Variants in NRXN3 observed in about 807,000 individuals in gnomAD.
The protein encoded by NRXN3 is neurexin 3, also known as neurexin III.
In NRXN3, 32 loss-of-function variants were observed where a neutral mutation model predicts 137.6. The observed-to-expected ratio is 0.23, with a 90% CI of 0.18 to 0.31. The LOEUF is 0.31. Ranked by LOEUF, NRXN3 falls within the 10% of genes least tolerant of loss-of-function variation. The probability of loss-of-function intolerance (pLI) is 1.00; values close to 1 mark genes in which losing one functional copy is unlikely to be tolerated. For synonymous variants in NRXN3, 798 were observed against 784.5 expected (o/e 1.02, Z -0.29); for missense variants, 1,574 against 2,062.5 (o/e 0.76, Z 4.59).
At chr14:79,851,058 A>C (rs1458569370) in intron 20 of NRXN3, among the ~76,000 whole-genome samples, 1 of 152,192 alleles carries the variant, frequency 6.6e-6, no homozygotes, top group Non-Finnish European at 1.5e-5. Context: ...GCAATTTTGG[A>C]ATAGGTAAAT....
At chr14:79,512,724 T>C (rs1257623006) in intron 16 of NRXN3, among the ~76,000 whole-genome samples, 1 of 152,210 alleles carries the variant, frequency 6.6e-6, no homozygotes, top group Non-Finnish European at 1.5e-5. Flanking sequence ...GTATAATTAA[T>C]ATGTTTATAT....
In NRXN3 at chr14:79,467,288, G is replaced by A. The variant is rs1357313825; in HGVS notation, c.3330G>A (p.Arg1110=). 1 of 1,613,390 alleles carries A rather than the reference G, an allele frequency of 6.2e-7. No homozygotes were observed. Among genetic ancestry groups the A allele is most frequent in the African/African-American group, 1.3e-5 (1 of 75,052 alleles). ...TCTACACCTGGCCAGCCAATGACAGGCCCAGCACGCGGTCTGACCGCCTTG... is the reference window on the plus strand; with the variant it reads ...TCTACACCTGGCCAGCCAATGACAGACCCAGCACGCGGTCTGACCGCCTTG... ...LILYTWPAND[R]PSTRSDRLAV... Residue 1110 remains arginine, a synonymous_variant, in exon 16 of 21, where the codon AGG becomes AGA. Transcript: ENST00000335750.
chr14:79,646,230 C>G lies in NRXN3; in HGVS notation c.3445-17548C>G, dbSNP rs891832420. Among the ~76,000 whole-genome samples the G allele has an allele frequency of 3.0e-5, 4 of 134,736 alleles. 1 individual carries two copies. The highest frequency in any genetic ancestry group is 9.8e-5 in the African/African-American group (4 of 40,700). The allele number at this position is 134,736 out of a possible 152,430, so 88.4% of individuals were successfully genotyped here. ...ATAAATATGGTGATCATATGTATCC[C>G]TTGGGATTTGGGGTTGACAGCATAG... On this transcript the variant is annotated intron_variant, in intron 16 of 20. Coordinates refer to ENST00000335750, the MANE Select transcript of NRXN3 (RefSeq NM_001330195.2).
At chr14:79,766,431 A>G (rs1371771961) in intron 19 of NRXN3, among the ~76,000 whole-genome samples, 1 of 152,206 alleles carries the variant, frequency 6.6e-6, no homozygotes, top group Non-Finnish European at 1.5e-5. Flanking sequence ...TTTTTCAAAA[A>G]GCTTGTTCCT....
rs1432408575 is a variant in NRXN3, at chr14:79,397,750, G to GT, written c.3263-69470dup. ...AAAGAGTGTTGGAAGAAAATACAAG[G>GT]TAAGTTTTACAACCTGTGAGTACTC... On this transcript the variant is annotated intron_variant, in intron 15 of 20. Transcript: ENST00000335750. Among the ~76,000 whole-genome samples the GT allele has an allele frequency of 2.6e-5, 4 of 151,902 alleles. No individual in the cohort carries two copies. In the East Asian group the frequency reaches 7.7e-4, roughly 29 times the overall value.
At chr14:78,176,386 T>TG (rs1389889542) in intron 1 of NRXN3, among the ~76,000 whole-genome samples, 4 of 152,014 alleles carry the variant, frequency 2.6e-5, no homozygotes, top group African/African-American at 9.7e-5. Context: ...AAGTTTTTTT[T>TG]TTTTTTTTTT....
intron 15 of NRXN3, among the ~76,000 whole-genome samples, chr14:79,249,240 C>G (rs2075623865): frequency 1.3e-5 from 2 of 152,074 alleles, no homozygotes; most frequent in Non-Finnish European, 2.9e-5. Context: ...TACATTATCT[C>G]TTATAAAAAT....
At chr14:78,625,184 T>A (rs1171266559) in intron 4 of NRXN3, among the ~76,000 whole-genome samples, 1 of 152,220 alleles carries the variant, frequency 6.6e-6, no homozygotes, top group Non-Finnish European at 1.5e-5. Context: ...TAGGGACATC[T>A]CCAAGTTTCC....
intron 16 of NRXN3, among the ~76,000 whole-genome samples, chr14:79,548,677 G>A (rs1406709604): frequency 1.3e-5 from 2 of 151,026 alleles, no homozygotes; most frequent in Non-Finnish European, 2.9e-5. Context: ...GTGTTCCTGA[G>A]GCCTCTCAAG....
At chr14:79,532,714 C>T (rs2153722204) in intron 16 of NRXN3, among the ~76,000 whole-genome samples, 1 of 152,330 alleles carries the variant, frequency 6.6e-6, no homozygotes, top group African/African-American at 2.4e-5. Context: ...TTTCCCCATA[C>T]TCATTTCTCC....
At chr14:79,599,638 T>C (rs1253070767) in intron 16 of NRXN3, among the ~76,000 whole-genome samples, 1 of 152,252 alleles carries the variant, frequency 6.6e-6, no homozygotes, top group Non-Finnish European at 1.5e-5. Flanking sequence ...ATTTAGAGCT[T>C]TCTCTGTTCC....
At chr14:79,176,251 GATA>G (rs1177775293) in intron 15 of NRXN3, among the ~76,000 whole-genome samples, 1 of 152,170 alleles carries the variant, frequency 6.6e-6, no homozygotes, top group Non-Finnish European at 1.5e-5. Context: ...ATGCAAATCT[GATA>G]ATATTTTTTT....
At chr14:78,318,292 G>A (rs1343548156) in intron 4 of NRXN3, among the ~76,000 whole-genome samples, 1 of 152,120 alleles carries the variant, frequency 6.6e-6, no homozygotes, top group Non-Finnish European at 1.5e-5. Flanking sequence ...AAAGAGGCAG[G>A]GAAATGTCTG....
intron 19 of NRXN3, among the ~76,000 whole-genome samples, chr14:79,798,444 C>A (rs906958154): frequency 6.6e-6 from 1 of 152,134 alleles, no homozygotes; most frequent in Non-Finnish European, 1.5e-5. Context: ...GAATTTAATT[C>A]TTTTTAGCGT....
intron 4 of NRXN3, among the ~76,000 whole-genome samples, chr14:78,571,930 C>G (rs2096893375): frequency 1.3e-5 from 2 of 152,086 alleles, no homozygotes; most frequent in African/African-American, 4.8e-5. Context: ...GCTTCTTATG[C>G]TGAGCAAATG....
At chr14:78,506,724 C>G (rs932803450) in intron 4 of NRXN3, among the ~76,000 whole-genome samples, 3 of 136,424 alleles carry the variant, frequency 2.2e-5, no homozygotes, top group Non-Finnish European at 4.6e-5. Context: ...AATGGCTATT[C>G]ACAGGCACAA....
At chr14:79,353,232 T>A (rs919143420) in intron 15 of NRXN3, among the ~76,000 whole-genome samples, 11 of 152,010 alleles carry the variant, frequency 7.2e-5, no homozygotes, top group African/African-American at 2.7e-4. Context: ...GGTTAAGCAC[T>A]TTTGATCAAC....
Position 78,690,633 on chromosome 14 carries a change from T to C in NRXN3, c.1222-18584T>C, listed in dbSNP as rs191360525. On this transcript the variant is annotated intron_variant, in intron 6 of 20. Coordinates refer to ENST00000335750, the MANE Select transcript of NRXN3 (RefSeq NM_001330195.2). ...GTCAGAAGGAATAGGGTGGAGAAAATGAATATAAAAAAGATTGGATATGGA... is the reference window on the plus strand; with the variant it reads ...GTCAGAAGGAATAGGGTGGAGAAAACGAATATAAAAAAGATTGGATATGGA... Among the ~76,000 whole-genome samples the C allele has an allele frequency of 4.6e-5, 7 of 151,948 alleles. No individual in the cohort carries two copies. In the East Asian group the frequency reaches 1.4e-3, roughly 29 times the overall value.
chr14:79,225,254 G>A (rs2070629926), intron 15 of NRXN3, among the ~76,000 whole-genome samples: 1 of 152,114 alleles, frequency 6.6e-6, no homozygotes, highest in Non-Finnish European at 1.5e-5. Flanking sequence ...GACAGGTTCT[G>A]TTTGAAAAAA....
Sources: gnomAD v4.1 joint callset for allele counts (sites outside exome capture counted in the v4.1 genomes callset) on GRCh38, gnomAD v4.1.1 for gene constraint, MANE v1.5 for transcripts, NCBI Gene and HGNC (gene_info 2026-07-23, HGNC 2026-07-21) for gene names.